OSBPL9: variants seen among roughly 807,000 people sequenced by gnomAD.
OSBPL9 encodes the protein oxysterol-binding protein-related protein 9.
OSBPL9 carries 40 observed loss-of-function variants against 106.6 expected under a neutral mutation model. The ratio of observed to expected loss-of-function variants is 0.38; its 90% CI spans 0.29 to 0.49. The LOEUF (loss-of-function observed/expected upper bound fraction) is 0.49. OSBPL9 is among the 20% of genes least tolerant of loss of function. The pLI is 0.97. For synonymous variants in OSBPL9, 269 were observed against 295.4 expected, an observed-to-expected ratio of 0.91 and a Z score of 0.92; for missense variants, 609 against 887.2, an observed-to-expected ratio of 0.69 and a Z score of 3.98.
intron 3 of OSBPL9, among the ~76,000 whole-genome samples, chr1:51,712,938 A>G (rs953817674): frequency 3.9e-5 from 6 of 152,142 alleles, no homozygotes; most frequent in African/African-American, 9.7e-5. Flanking sequence ...ATTTAAATCA[A>G]TTTCAGGCAT....
chr1:51,518,695 T>TG, the OSBPL9 span, among the ~76,000 whole-genome samples: 2 of 151,846 alleles, frequency 1.3e-5, no homozygotes, highest in African/African-American at 2.4e-5. Flanking sequence ...AAGACTGGCT[T>TG]GGGGGGCCTG....
At chr1:51,607,453 C>T (rs558575715) in intron 2 of OSBPL9, among the ~76,000 whole-genome samples, 1 of 152,300 alleles carries the variant, frequency 6.6e-6, no homozygotes, top group Non-Finnish European at 1.5e-5. Flanking sequence ...TGAGCCACCA[C>T]ACTTGGCCTA....
intron 3 of OSBPL9, among the ~76,000 whole-genome samples, chr1:51,675,887 G>A (rs543629566): frequency 2.5e-4 from 38 of 152,160 alleles, no homozygotes; most frequent in African/African-American, 8.9e-4. Flanking sequence ...TTTATTGAAT[G>A]TTTATTTTAT....
chr1:51,644,791 CT>C lies in OSBPL9; in HGVS notation c.112-7197del, dbSNP rs1394966171. On this transcript the variant is annotated intron_variant, in intron 1 of 23. Coordinates refer to ENST00000428468, the MANE Select transcript of OSBPL9 (RefSeq NM_024586.6). ...TGGGACTTTGCCCGCAGATTCTTCA[CT>C]TTACTCGGTCCTCTAATTCAAATCT... Among the ~76,000 whole-genome samples, 3 of 152,304 alleles carry C rather than the reference CT, an allele frequency of 2.0e-5. 1 individual carries two copies. In the East Asian group the frequency reaches 5.8e-4, roughly 29 times the overall value.
chr1:51,530,174 A>AC, the OSBPL9 span, among the ~76,000 whole-genome samples: 3 of 104,022 alleles, frequency 2.9e-5, no homozygotes, highest in Non-Finnish European at 2.0e-5. Flanking sequence ...CTGTCTCAAA[A>AC]AAAAAAAAAA....
At chr1:51,577,176 G>A (rs1570525343), upstream of OSBPL9, 4 of 151,998 alleles carry the variant, frequency 2.6e-5, no homozygotes, top group South Asian at 2.1e-4. Flanking sequence ...TTCACTTTCC[G>A]CCATGATTAT....
intron 2 of OSBPL9, among the ~76,000 whole-genome samples, chr1:51,661,432 AAGAG>A (rs1307619047): frequency 3.3e-5 from 5 of 152,148 alleles, no homozygotes; most frequent in Non-Finnish European, 7.3e-5. Context: ...AAAAAACGAA[AAGAG>A]AGAAAGTCAG....
At chr1:51,777,422 GAGAT>G (rs1339368711) in intron 15 of OSBPL9, among the ~76,000 whole-genome samples, 2 of 152,186 alleles carry the variant, frequency 1.3e-5, no homozygotes, top group African/African-American at 4.8e-5. Context: ...GTATATGTAT[GAGAT>G]AGAAGTAATG....
At position 51,789,206 on chromosome 1, in the gene OSBPL9, T is replaced by C; in HGVS notation, c.*1417T>C. The C allele has an allele frequency of 1.9e-6, 3 of 1,586,776 alleles. No homozygotes were observed. The highest frequency in any genetic ancestry group is 1.3e-5 in the African/African-American group (1 of 74,372). On this transcript the variant is annotated 3_prime_UTR_variant, in exon 24 of 24. Coordinates refer to ENST00000428468, the MANE Select transcript of OSBPL9 (RefSeq NM_024586.6). ...AAACAAACACATTTTAAAATACACA[T>C]TGCTTCAGGCCAACGTGACTGCAGT...
intron 2 of OSBPL9, among the ~76,000 whole-genome samples, chr1:51,668,846 A>G (rs1188223111): frequency 1.3e-5 from 2 of 152,146 alleles, no homozygotes; most frequent in Non-Finnish European, 2.9e-5. Flanking sequence ...AAGATTTCAT[A>G]GTGGTTCTGT....
chr1:51,783,823 T>TC lies in OSBPL9; in HGVS notation c.1514-88dup, dbSNP rs997381063. ...GAGGCTGTTTGAAGGGTAAAGGATT[T>TC]CCCCATGAAGCCAATTATTTCCCCA... is the stretch of plus-strand genomic sequence containing the variant. On this transcript the variant is annotated intron_variant, in intron 17 of 23. Coordinates refer to ENST00000428468, the MANE Select transcript of OSBPL9 (RefSeq NM_024586.6). The TC allele has an allele frequency of 1.6e-5, 15 of 940,214 alleles. No individual in the cohort carries two copies. In the African/African-American group the frequency reaches 1.6e-4, roughly 10 times the overall value. 58.2% of individuals were successfully genotyped at this position (940,214 alleles called of 1,614,324 possible). A position where few individuals can be genotyped will look rare whatever the true frequency, so the allele number is the denominator to read the frequency against.
upstream of OSBPL9, among the ~76,000 whole-genome samples, chr1:51,616,090 G>A (rs549222373): frequency 1.1e-4 from 16 of 143,908 alleles, no homozygotes; most frequent in Non-Finnish European, 1.9e-4. Context: ...TCTCGGCTCC[G>A]AGGTTCAAGT....
chr1:51,612,524 C>A (rs976479434), upstream of OSBPL9, among the ~76,000 whole-genome samples: 2 of 152,230 alleles, frequency 1.3e-5, no homozygotes, highest in Non-Finnish European at 2.9e-5. Flanking sequence ...TGTGTCTCCA[C>A]CACGTGTAAC....
At chr1:51,740,122 T>C in intron 4 of OSBPL9, 1 of 1,549,268 alleles carries the variant, frequency 6.5e-7, no homozygotes, top group Non-Finnish European at 8.7e-7. Flanking sequence ...CTATTCTCTC[T>C]TTTCCTTACT....
chr1:51,704,824 G>C (rs1391748949), intron 3 of OSBPL9, among the ~76,000 whole-genome samples: 1 of 151,184 alleles, frequency 6.6e-6, no homozygotes, highest in Non-Finnish European at 1.5e-5. Flanking sequence ...TAGGAATTTT[G>C]GGGCAACACA....
chr1:51,684,401 ATAAGT>A (rs2148810302), intron 3 of OSBPL9, among the ~76,000 whole-genome samples: 1 of 152,364 alleles, frequency 6.6e-6, no homozygotes, highest in East Asian at 1.9e-4. Context: ...TCATGAAAAA[ATAAGT>A]ATGTGAGGTA....
rs192880737 is a variant in OSBPL9, at chr1:51,626,112, G to A, written c.111+8891G>A. Among the ~76,000 whole-genome samples, 21 of 152,188 alleles carry A rather than the reference G, an allele frequency of 1.4e-4. 1 individual carries two copies. The highest frequency in any genetic ancestry group is 8.3e-4 in the South Asian group (4 of 4,820). ...ACACTGGATAAAAATGTGATCTGTC[G>A]TTCTGGCAGCTATCTTTTGTCTCTC... is the stretch of plus-strand genomic sequence containing the variant. On this transcript the variant is annotated intron_variant, in intron 1 of 23. Coordinates refer to ENST00000428468, the MANE Select transcript of OSBPL9 (RefSeq NM_024586.6).
chr1:51,682,744 G>A (rs894443590), intron 3 of OSBPL9, among the ~76,000 whole-genome samples: 8 of 151,658 alleles, frequency 5.3e-5, no homozygotes, highest in Admixed American at 2.0e-4. Flanking sequence ...GCAACAGAGC[G>A]AGACTCCATC....
At chr1:51,727,977 G>A (rs959332424) in intron 4 of OSBPL9, among the ~76,000 whole-genome samples, 3 of 152,214 alleles carry the variant, frequency 2.0e-5, no homozygotes, top group Admixed American at 6.5e-5. Flanking sequence ...ATGAGTAGAA[G>A]TAAATAAGTG....
Sources: gnomAD v4.1 joint callset for allele counts (sites outside exome capture counted in the v4.1 genomes callset) on GRCh38, gnomAD v4.1.1 for gene constraint, MANE v1.5 for transcripts, NCBI Gene and HGNC (gene_info 2026-07-23, HGNC 2026-07-21) for gene names.